The following RBFOX1 variants were observed in gnomAD, a reference collection of about 807,000 sequenced individuals.
The protein encoded by RBFOX1 is RNA binding protein fox-1 homolog 1.
RBFOX1 carries 8 observed loss-of-function variants against 57.7 expected under a neutral mutation model. That is an observed-to-expected ratio of 0.14 (90% CI 0.08 to 0.25). The LOEUF (loss-of-function observed/expected upper bound fraction) is 0.25. Ranked by LOEUF, RBFOX1 falls within the 10% of genes least tolerant of loss-of-function variation. The pLI is 1.00. For synonymous variants in RBFOX1, 326 were observed against 222.4 expected (o/e 1.47, Z -4.15); for missense variants, 611 against 548.5 (o/e 1.11, Z -1.14).
chr16:6,676,358 C>T (rs889159609), intron 3 of RBFOX1, among the ~76,000 whole-genome samples: 3 of 152,110 alleles, frequency 2.0e-5, no homozygotes, highest in Admixed American at 6.5e-5. Flanking sequence ...TGAGCTGTTT[C>T]GTTTTTACAA....
intron 3 of RBFOX1, among the ~76,000 whole-genome samples, chr16:6,966,022 C>T (rs1568124718): frequency 1.3e-5 from 2 of 152,064 alleles, no homozygotes; most frequent in East Asian, 1.9e-4. Flanking sequence ...CATAGAAAAT[C>T]GGAGATACGT....
chr16:6,850,391 C>T (rs1361397256), intron 3 of RBFOX1, among the ~76,000 whole-genome samples: 1 of 151,942 alleles, frequency 6.6e-6, no homozygotes, highest in Non-Finnish European at 1.5e-5. Context: ...GTAGGTTGGT[C>T]CTGGAGGGCT....
rs542450512 is a variant in RBFOX1 at position 7,107,610 on chromosome 16, G to A, written c.27+55512G>A. Among the ~76,000 whole-genome samples the A allele has an allele frequency of 8.5e-5, 13 of 152,078 alleles. 1 individual carries two copies. Among genetic ancestry groups the A allele is most frequent in the African/African-American group, 1.4e-4 (6 of 41,480 alleles). The stretch of plus-strand genomic sequence containing the variant: ...CACCCCAGAAGCTTCTTCCTACGTC[G>A]CTGACATCCTTCTTTCCGCTCCTCC... On this transcript the variant is annotated intron_variant, in intron 4 of 15. Coordinates refer to ENST00000550418, the MANE Select transcript of RBFOX1 (RefSeq NM_018723.4).
In RBFOX1 at chr16:7,264,714, A is replaced by T. The variant is rs544344899; in HGVS notation, c.27+212616A>T. On this transcript the variant is annotated intron_variant, in intron 4 of 15. Transcript: ENST00000550418. ...TGGATTTTTCTCAACTTTTTTTTTTAAAAAAATGTAATCAACCATTCTTAG... is the reference window on the plus strand; with the variant it reads ...TGGATTTTTCTCAACTTTTTTTTTTTAAAAAATGTAATCAACCATTCTTAG... Among the ~76,000 whole-genome samples the T allele has an allele frequency of 5.9e-3, 898 of 151,828 alleles. 10 individuals are homozygous for T. The highest frequency in any genetic ancestry group is 0.02 in the Middle Eastern group (6 of 294).
intron 4 of RBFOX1, among the ~76,000 whole-genome samples, chr16:5,889,037 C>G (rs567840057): frequency 1.3e-5 from 2 of 152,048 alleles, no homozygotes; most frequent in African/African-American, 4.8e-5. Context: ...TTGATCACCA[C>G]ACGCTCTTCA....
At chr16:5,482,341 T>A (rs1210406254) in intron 2 of RBFOX1, among the ~76,000 whole-genome samples, 1 of 152,090 alleles carries the variant, frequency 6.6e-6, no homozygotes, top group East Asian at 1.9e-4. Context: ...AGGTAGAGAC[T>A]TTGCCTTCCA....
At chr16:7,132,868 G>A (rs189870137) in intron 4 of RBFOX1, among the ~76,000 whole-genome samples, 9 of 152,058 alleles carry the variant, frequency 5.9e-5, no homozygotes, top group African/African-American at 1.9e-4. Context: ...ATGCTGCCAC[G>A]TGGTGATAAA....
At chr16:7,691,368 T>G (rs1443512245) in intron 14 of RBFOX1, among the ~76,000 whole-genome samples, 1 of 141,314 alleles carries the variant, frequency 7.1e-6, no homozygotes, top group African/African-American at 2.7e-5. Context: ...ACATAGGTTT[T>G]CAAAAAAAAA....
At chr16:6,765,067 A>G (rs1287455389) in intron 3 of RBFOX1, among the ~76,000 whole-genome samples, 1 of 152,202 alleles carries the variant, frequency 6.6e-6, no homozygotes, top group Non-Finnish European at 1.5e-5. Flanking sequence ...GCAGAAATCT[A>G]AAGTCCTAAA....
intron 4 of RBFOX1, among the ~76,000 whole-genome samples, chr16:7,238,385 G>C (rs960760954): frequency 6.6e-6 from 1 of 152,110 alleles, no homozygotes; most frequent in African/African-American, 2.4e-5. Flanking sequence ...TCTGCTTTCT[G>C]CACATCTGCC....
chr16:6,401,153 C>G (rs146323955), intron 2 of RBFOX1, among the ~76,000 whole-genome samples: 1 of 152,220 alleles, frequency 6.6e-6, no homozygotes, highest in East Asian at 1.9e-4. Context: ...TGGAACAACT[C>G]TTTCTTTTTG....
intron 4 of RBFOX1, among the ~76,000 whole-genome samples, chr16:7,371,822 C>G (rs1465527687): frequency 6.6e-6 from 1 of 152,180 alleles, no homozygotes; most frequent in African/African-American, 2.4e-5. Context: ...TTTTCACATA[C>G]TGACAAAAAA....
intron 1 of RBFOX1, among the ~76,000 whole-genome samples, chr16:5,348,062 G>A (rs1528324): frequency 0.95 from 125,111 of 131,936 alleles, 59,412 homozygotes; most frequent in East Asian, 1. Context: ...CTTCCACTCA[G>A]TCACCCTCTG....
At chr16:7,085,417 A>T (rs1446650783) in intron 4 of RBFOX1, among the ~76,000 whole-genome samples, 1 of 152,160 alleles carries the variant, frequency 6.6e-6, no homozygotes, top group Non-Finnish European at 1.5e-5. Flanking sequence ...ATATTGGCAA[A>T]TAAGTTATGT....
At chr16:7,152,995 G>C (rs2076384143) in intron 4 of RBFOX1, among the ~76,000 whole-genome samples, 1 of 152,202 alleles carries the variant, frequency 6.6e-6, no homozygotes, top group South Asian at 2.1e-4. Flanking sequence ...TCTTATGAAA[G>C]AGAGTGTGTT....
chr16:5,587,461 C>A (rs1047671354), intron 2 of RBFOX1, among the ~76,000 whole-genome samples: 1 of 152,328 alleles, frequency 6.6e-6, no homozygotes, highest in South Asian at 2.1e-4. Context: ...GCCTGTCATC[C>A]CAGCACTTTG....
chr16:6,080,758 G>C (rs1398377233), intron 1 of RBFOX1, among the ~76,000 whole-genome samples: 5 of 152,154 alleles, frequency 3.3e-5, no homozygotes, highest in African/African-American at 7.2e-5. Flanking sequence ...TTTAGGGAAA[G>C]TGTTGTTGAG....
intron 1 of RBFOX1, among the ~76,000 whole-genome samples, chr16:5,362,911 G>A (rs2065593917): frequency 6.6e-6 from 1 of 151,996 alleles, no homozygotes; most frequent in East Asian, 1.9e-4. Flanking sequence ...AATATACCAT[G>A]CTTCCTTATC....
chr16:6,176,266 C>T (rs2097007138), intron 1 of RBFOX1, among the ~76,000 whole-genome samples: 2 of 151,782 alleles, frequency 1.3e-5, no homozygotes, highest in South Asian at 4.1e-4. Flanking sequence ...CTGCCTCAGC[C>T]TCCCGAGTAG....
Sources: allele counts gnomAD v4.1 joint callset (sites outside exome capture counted in the v4.1 genomes callset), GRCh38; gene constraint gnomAD v4.1.1; transcripts MANE v1.5; gene names NCBI Gene and HGNC (gene_info 2026-07-23, HGNC 2026-07-21).